ME1: variants seen among roughly 807,000 people sequenced by gnomAD.
The protein encoded by ME1 is NADP-dependent malic enzyme.
A neutral mutation model predicts 66.4 loss-of-function variants in ME1; 74 were observed. The ratio of observed to expected loss-of-function variants is 1.11; its 90% CI spans 0.92 to 1.35. The LOEUF (loss-of-function observed/expected upper bound fraction) is 1.35, where lower values mean the gene tolerates loss of function less well. Among genes scored for constraint, ME1 ranks in the 40% most tolerant of loss-of-function variants. ME1 has a pLI of 0.00. For missense variants in ME1, 750 were observed against 694.1 expected (o/e 1.08, Z -0.90); for synonymous variants, 251 against 235.6 (o/e 1.07, Z -0.60).
chr6:83,290,902 G>C (rs933910489), intron 6 of ME1, among the ~76,000 whole-genome samples: 32 of 151,996 alleles, frequency 2.1e-4, no homozygotes, highest in Non-Finnish European at 2.5e-4. Context: ...GATCTTTGTT[G>C]GTTTAAAGTC....
At chr6:83,265,287 GT>G (rs1766969429) in intron 6 of ME1, among the ~76,000 whole-genome samples, 1 of 151,914 alleles carries the variant, frequency 6.6e-6, no homozygotes, top group Admixed American at 6.6e-5. Context: ...ACACAAGTGA[GT>G]TTTATTTTAT....
At chr6:83,225,138 G>A (rs1790167379) in intron 11 of ME1, among the ~76,000 whole-genome samples, 2 of 146,964 alleles carry the variant, frequency 1.4e-5, no homozygotes, top group African/African-American at 5.0e-5. Flanking sequence ...GGAGGCGGAG[G>A]TTGCAGTGAG....
In ME1 at chr6:83,228,888, T is replaced by G; in HGVS notation, c.1070A>C (p.Glu357Ala). 6.2e-7 allele frequency: 1 copy of G among 1,613,412 alleles called. No individual in the cohort carries two copies. Among genetic ancestry groups the G allele is most frequent in the East Asian group, 2.2e-5 (1 of 44,860 alleles). The change falls in exon 10 of 14, where the codon GAA becomes GCA. Residue 357 changes from glutamate to alanine, a missense_variant. By Grantham distance (107) the Glu-to-Ala change is moderately radical (BLOSUM62 -1). Transcript: ENST00000369705. The stretch of plus-strand genomic sequence containing the variant: ...TTCTAGGTTCTTCATTTCTTCATGT[T>G]CATGGGCAAACTTCTCTTTCTCTTG... Reference protein sequence around the residue: ...LTQEKEKFAHEHEEMKNLEAI... With the variant: ...LTQEKEKFAHAHEEMKNLEAI...
rs141584829 is a variant in ME1, at chr6:83,295,619, C to A, written c.704+19691G>T. 7.9e-5 allele frequency among the ~76,000 whole-genome samples: 12 copies of A among 152,074 alleles called. No homozygotes were observed. In the East Asian group the frequency reaches 2.3e-3, roughly 29 times the overall value. ...CTGCCTCCTGGGTTCAAGCAATTCT[C>A]CAGCCTCAGCAAACCAACCCCAAAG... On this transcript the variant is annotated intron_variant, in intron 6 of 13. Transcript: ENST00000369705.
intron 12 of ME1, among the ~76,000 whole-genome samples, chr6:83,217,752 C>G (rs1270047856): frequency 6.6e-6 from 1 of 152,116 alleles, no homozygotes; most frequent in East Asian, 1.9e-4. Context: ...CAGAGTCAGA[C>G]CAAAGGCAGA....
intron 13 of ME1, among the ~76,000 whole-genome samples, 168 bp from the exon 14 acceptor site, chr6:83,212,262 T>C (rs1789905345): frequency 6.6e-6 from 1 of 151,988 alleles, no homozygotes; most frequent in East Asian, 1.9e-4. Flanking sequence ...AAAATGAAAA[T>C]GCAATTATAA....
chr6:83,232,674 A>T (rs1213574789), intron 9 of ME1, among the ~76,000 whole-genome samples: 1 of 152,214 alleles, frequency 6.6e-6, no homozygotes, highest in Non-Finnish European at 1.5e-5. Flanking sequence ...CATTGTATGA[A>T]ATGTATTAAC....
Position 83,430,743 on chromosome 6 carries a change from A to G in ME1, c.78+134T>C, listed in dbSNP as rs561398054. 1.9e-4 allele frequency: 134 copies of G among 704,746 alleles called. No homozygotes were observed. In the South Asian group the frequency reaches 2.5e-3, roughly 13 times the overall value. 43.7% of individuals were successfully genotyped at this position (704,746 alleles called of 1,614,324 possible). ...CCTTCTGCCCACACCAAGGCCCCCC[A>G]GGCCGCGGCCGCTCACCGGGAACCT... On this transcript the variant is annotated intron_variant, in intron 1 of 13. Coordinates refer to ENST00000369705, the MANE Select transcript of ME1 (RefSeq NM_002395.6).
At chr6:83,312,562 G>A (rs949727541) in intron 6 of ME1, among the ~76,000 whole-genome samples, 2 of 152,100 alleles carry the variant, frequency 1.3e-5, no homozygotes, top group African/African-American at 4.8e-5. Flanking sequence ...AGAAAGAGGG[G>A]GAGGTTGATG....
intron 3 of ME1, among the ~76,000 whole-genome samples, chr6:83,353,645 C>G (rs931457468): frequency 1.3e-5 from 2 of 151,880 alleles, no homozygotes; most frequent in African/African-American, 4.8e-5. Flanking sequence ...GTGTTTCAAT[C>G]CATTATAGTT....
intron 7 of ME1, among the ~76,000 whole-genome samples, chr6:83,244,270 A>G (rs1790574922): frequency 6.6e-6 from 1 of 152,114 alleles, no homozygotes; most frequent in African/African-American, 2.4e-5. Flanking sequence ...CCTTACAGTA[A>G]AGACTCAGAA....
At chr6:83,398,047 A>G (rs1329358129) in intron 3 of ME1, among the ~76,000 whole-genome samples, 2 of 152,194 alleles carry the variant, frequency 1.3e-5, no homozygotes, top group African/African-American at 4.8e-5. Flanking sequence ...GTTAAACAGG[A>G]GGAATGAGTT....
At chr6:83,234,231 T>G (rs1335205183) in intron 9 of ME1, among the ~76,000 whole-genome samples, 1 of 152,182 alleles carries the variant, frequency 6.6e-6, no homozygotes, top group Non-Finnish European at 1.5e-5. Flanking sequence ...CCACATAGAC[T>G]TCCACTTTTT....
intron 1 of ME1, among the ~76,000 whole-genome samples, chr6:83,417,518 C>T (rs1282310473): frequency 2.0e-5 from 3 of 152,054 alleles, no homozygotes; most frequent in African/African-American, 4.8e-5. Flanking sequence ...GCAGGTGGGA[C>T]TACAGGCGCG....
At chr6:83,219,670 C>A (rs536744376) in intron 12 of ME1, among the ~76,000 whole-genome samples, 3 of 151,944 alleles carry the variant, frequency 2.0e-5, no homozygotes, top group African/African-American at 7.2e-5. Flanking sequence ...TCTCCCTTAG[C>A]TTGGGTGATT....
intron 1 of ME1, among the ~76,000 whole-genome samples, chr6:83,423,026 TAAACCCCA>T (rs1263625884): frequency 6.6e-6 from 1 of 151,946 alleles, no homozygotes; most frequent in Non-Finnish European, 1.5e-5. Flanking sequence ...CCCAAGAAGA[TAAACCCCA>T]AAACCTCCAA....
intron 3 of ME1, chr6:83,393,219 A>C (rs1769659521): frequency 8.8e-7 from 1 of 1,138,054 alleles, no homozygotes; most frequent in Non-Finnish European, 1.3e-6. Context: ...CCTCAAAGGC[A>C]TCCTGGGCTA....
chr6:83,274,660 G>A (rs1767143768), intron 6 of ME1, among the ~76,000 whole-genome samples: 1 of 152,118 alleles, frequency 6.6e-6, no homozygotes, highest in African/African-American at 2.4e-5. Context: ...GTTTATTTCA[G>A]AGTATAAGAC....
chr6:83,325,117 A>T (rs142276326), intron 5 of ME1, among the ~76,000 whole-genome samples: 4,144 of 152,324 alleles, frequency 0.027, 194 homozygotes, highest in African/African-American at 0.091. Flanking sequence ...CAAAAACCAC[A>T]TGATTATCTC....
Sources: allele counts gnomAD v4.1 joint callset (sites outside exome capture counted in the v4.1 genomes callset), GRCh38; gene constraint gnomAD v4.1.1; transcripts MANE v1.5; gene names NCBI Gene and HGNC (gene_info 2026-07-23, HGNC 2026-07-21).